The following NELL2 variants were observed in gnomAD, a reference collection of about 807,000 sequenced individuals.
The protein encoded by NELL2 is neural EGFL like 2, also known as protein kinase C-binding protein NELL2.
In NELL2, 41 loss-of-function variants were observed where a neutral mutation model predicts 109.6. That is an observed-to-expected ratio of 0.37 (90% confidence interval 0.29 to 0.49). The LOEUF is 0.49. Among genes scored for constraint, NELL2 ranks in the 20% least tolerant of loss-of-function variants. The probability of loss-of-function intolerance (pLI) is 0.98; values close to 1 mark genes in which losing one functional copy is unlikely to be tolerated. For synonymous variants in NELL2, 355 were observed against 344.7 expected (o/e 1.03, Z -0.33); for missense variants, 900 against 1,008.3 (o/e 0.89, Z 1.45).
At chr12:44,765,680 G>A (rs1551081) in intron 9 of NELL2, among the ~76,000 whole-genome samples, 87,220 of 152,038 alleles carry the variant, frequency 0.57, 27,361 homozygotes, top group Non-Finnish European at 0.7. Flanking sequence ...AAGAAGCTCC[G>A]TTCTTACCAC....
chr12:44,568,132 T>C (rs761240687), intron 15 of NELL2, among the ~76,000 whole-genome samples: 3 of 151,926 alleles, frequency 2.0e-5, no homozygotes, highest in African/African-American at 4.8e-5. Flanking sequence ...GAGACAAAGG[T>C]TGAAAAAAAG....
chr12:44,854,732 ATGGATGGATGGGTGGATGGG>A (rs1291904264), intron 2 of NELL2, among the ~76,000 whole-genome samples: 1 of 151,560 alleles, frequency 6.6e-6, no homozygotes, highest in Non-Finnish European at 1.5e-5. Context: ...GGATGGATGG[ATGGATGGATGGGTGGATGGG>A]TGGATGGATG....
At chr12:44,875,194 T>A in intron 2 of NELL2, 31 bp downstream of exon 2, 1 of 1,595,678 alleles carries the variant, frequency 6.3e-7, no homozygotes, top group African/African-American at 1.3e-5. Flanking sequence ...GGAACTGAAA[T>A]CACAGTGGGG....
chr12:44,510,955 C>T (rs1351850531), intron 19 of NELL2, among the ~76,000 whole-genome samples: 2 of 152,124 alleles, frequency 1.3e-5, no homozygotes, highest in Admixed American at 6.6e-5. Context: ...TGTACCAGTT[C>T]CTGGGAATAT....
chr12:44,818,016 T>G (rs1943410290), intron 2 of NELL2, among the ~76,000 whole-genome samples: 1 of 152,198 alleles, frequency 6.6e-6, no homozygotes, highest in Non-Finnish European at 1.5e-5. Context: ...GAAACTCTCC[T>G]GTTGCCGAAA....
chr12:44,625,814 T>C (rs1946238551), intron 13 of NELL2, among the ~76,000 whole-genome samples: 1 of 152,162 alleles, frequency 6.6e-6, no homozygotes, highest in Admixed American at 6.6e-5. Flanking sequence ...TAATAAAATC[T>C]AACAACACAT....
At chr12:44,879,144 A>G (rs1945383542), upstream of NELL2, among the ~76,000 whole-genome samples, 1 of 152,230 alleles carries the variant, frequency 6.6e-6, no homozygotes, top group Non-Finnish European at 1.5e-5. Flanking sequence ...TAGAAGGGCT[A>G]TGAGACAAGG....
intron 15 of NELL2, among the ~76,000 whole-genome samples, chr12:44,542,501 T>C (rs978371778): frequency 6.6e-6 from 1 of 152,152 alleles, no homozygotes; most frequent in Non-Finnish European, 1.5e-5. Context: ...TAAAAAACCA[T>C]GTCCAGTTGG....
At chr12:44,682,176 G>T (rs1223294687) in intron 12 of NELL2, among the ~76,000 whole-genome samples, 1 of 150,102 alleles carries the variant, frequency 6.7e-6, no homozygotes, top group Non-Finnish European at 1.5e-5. Context: ...CAGAGATGGT[G>T]AGCATTTTTT....
At chr12:44,840,532 G>C (rs1944193217) in intron 2 of NELL2, among the ~76,000 whole-genome samples, 1 of 152,090 alleles carries the variant, frequency 6.6e-6, no homozygotes, top group Non-Finnish European at 1.5e-5. Flanking sequence ...AGCTACTCGG[G>C]AGGCTGAGGC....
chr12:44,528,239 TG>T, intron 16 of NELL2, among the ~76,000 whole-genome samples: 1 of 151,958 alleles, frequency 6.6e-6, no homozygotes, highest in Non-Finnish European at 1.5e-5. Flanking sequence ...TGTTGTTTTT[TG>T]TTTTTTTAAA....
At chr12:44,590,796 T>C (rs1944715880) in intron 15 of NELL2, among the ~76,000 whole-genome samples, 2 of 152,002 alleles carry the variant, frequency 1.3e-5, no homozygotes, top group Non-Finnish European at 2.9e-5. Flanking sequence ...GAAAAGCTTC[T>C]GCATAGCAAA....
intron 9 of NELL2, among the ~76,000 whole-genome samples, chr12:44,762,855 C>T (rs1941182369): frequency 6.6e-6 from 1 of 152,194 alleles, no homozygotes; most frequent in African/African-American, 2.4e-5. Flanking sequence ...CATTGCATTG[C>T]ATACTTGACC....
chr12:44,565,654 T>C (rs1439460867), intron 15 of NELL2, among the ~76,000 whole-genome samples: 1 of 152,180 alleles, frequency 6.6e-6, no homozygotes, highest in Non-Finnish European at 1.5e-5. Context: ...TTCCAATGTC[T>C]GCCTTGACGC....
intron 9 of NELL2, among the ~76,000 whole-genome samples, chr12:44,769,236 A>G (rs1341454178): frequency 6.6e-6 from 1 of 152,102 alleles, no homozygotes; most frequent in Non-Finnish European, 1.5e-5. Context: ...CTCCCAAATT[A>G]CCACTTCTAC....
intron 7 of NELL2, 91 bp from the exon 8 acceptor site, chr12:44,776,241 T>C (rs1242372832): frequency 1.5e-6 from 2 of 1,376,538 alleles, no homozygotes; most frequent in Non-Finnish European, 9.9e-7. Flanking sequence ...TTTTAAAGTA[T>C]GTAGCAATGA....
intron 13 of NELL2, among the ~76,000 whole-genome samples, chr12:44,655,452 G>C (rs1947463735): frequency 6.6e-6 from 1 of 152,188 alleles, no homozygotes; most frequent in Admixed American, 6.5e-5. Context: ...CTTTAAAAAA[G>C]GCAATTCAGC....
At chr12:44,857,578 A>G (rs1944719737) in intron 2 of NELL2, among the ~76,000 whole-genome samples, 1 of 152,212 alleles carries the variant, frequency 6.6e-6, no homozygotes, top group Non-Finnish European at 1.5e-5. Flanking sequence ...AAGGTTATCC[A>G]GACAGAGCCA....
At chr12:44,783,674 G>T (rs1942050069) in intron 3 of NELL2, among the ~76,000 whole-genome samples, 1 of 151,884 alleles carries the variant, frequency 6.6e-6, no homozygotes, top group South Asian at 2.1e-4. Flanking sequence ...TAAGAAAAGT[G>T]AATTCATAAA....
Sources: allele counts gnomAD v4.1 joint callset (sites outside exome capture counted in the v4.1 genomes callset), GRCh38; gene constraint gnomAD v4.1.1; transcripts MANE v1.5; gene names NCBI Gene and HGNC (gene_info 2026-07-23, HGNC 2026-07-21).